Variants in IL12RB1 observed in about 807,000 individuals in gnomAD.
The protein encoded by IL12RB1 is interleukin-12 receptor subunit beta-1.
In IL12RB1, 64 loss-of-function variants were observed where a neutral mutation model predicts 94.4. The ratio of observed to expected loss-of-function variants is 0.68; its 90% CI spans 0.55 to 0.83. The LOEUF (loss-of-function observed/expected upper bound fraction) is 0.83. Among genes scored for constraint, IL12RB1 ranks in the 40% least tolerant of loss-of-function variants. The pLI is 0.00. For missense variants in IL12RB1, 814 were observed against 855.6 expected (o/e 0.95, Z 0.61); for synonymous variants, 362 against 355.5 (o/e 1.02, Z -0.21).
intron 1 of IL12RB1, among the ~76,000 whole-genome samples, chr19:18,094,254 G>A (rs574932083): frequency 2.1e-4 from 32 of 152,230 alleles, no homozygotes; most frequent in Non-Finnish European, 3.8e-4. Flanking sequence ...TCAGCCCCCC[G>A]AGTAGCGGGG....
At chr19:18,085,599 A>G (rs79756358) in intron 1 of IL12RB1, among the ~76,000 whole-genome samples, 12,163 of 151,748 alleles carry the variant, frequency 0.08, 997 homozygotes, top group African/African-American at 0.21. Context: ...TGTACAGAGA[A>G]GGAAAGTTTA....
At chr19:18,098,175 T>C (rs2146695752) in intron 1 of IL12RB1, among the ~76,000 whole-genome samples, 1 of 152,286 alleles carries the variant, frequency 6.6e-6, no homozygotes, top group Non-Finnish European at 1.5e-5. Context: ...GTTTTAGTCC[T>C]ATTACTAGCG....
At chr19:18,096,684 A>G (rs2036958265) in intron 1 of IL12RB1, among the ~76,000 whole-genome samples, 1 of 151,794 alleles carries the variant, frequency 6.6e-6, no homozygotes, top group Admixed American at 6.6e-5. Flanking sequence ...AAAATACAAA[A>G]AATCAGCCTG....
At chr19:18,094,775 G>A (rs555086212) in intron 1 of IL12RB1, among the ~76,000 whole-genome samples, 12 of 148,594 alleles carry the variant, frequency 8.1e-5, no homozygotes, top group Admixed American at 1.3e-4. Flanking sequence ...CAGCCTGGGC[G>A]AAAGAGCAAG....
chr19:18,084,010 C>CCCATCCAT (rs55727878), intron 1 of IL12RB1, among the ~76,000 whole-genome samples: 44 of 139,996 alleles, frequency 3.1e-4, no homozygotes, highest in African/African-American at 7.4e-4. Flanking sequence ...CACCCATCTA[C>CCCATCCAT]CCATCCATCC....
chr19:18,093,652 A>G (rs2036747511), intron 1 of IL12RB1, among the ~76,000 whole-genome samples: 1 of 152,124 alleles, frequency 6.6e-6, no homozygotes, highest in South Asian at 2.1e-4. Flanking sequence ...GGTCACATGT[A>G]CACCTTGAAC....
At chr19:18,062,474 A>G (rs2034212848) in intron 13 of IL12RB1, among the ~76,000 whole-genome samples, 197 bp from the exon 14 acceptor site, 1 of 152,168 alleles carries the variant, frequency 6.6e-6, no homozygotes, top group Non-Finnish European at 1.5e-5. Context: ...GGAAGTGTTC[A>G]AGACTCTGTA....
At chr19:18,076,374 A>G in intron 5 of IL12RB1, 47 bp from the exon 6 acceptor site, 1 of 946,752 alleles carries the variant, frequency 1.1e-6, no homozygotes, top group African/African-American at 1.6e-5. Context: ...TTGGTGCTGA[A>G]AAATATTTGC....
Position 18,069,679 on chromosome 19 carries a change from G to A in IL12RB1, c.1056C>T (p.Asn352=), listed in dbSNP as rs61734349. The A allele has an allele frequency of 5.1e-4, 827 of 1,612,436 alleles. 2 individuals are homozygous for A. The East Asian group carries it at 0.013, about 25-fold the overall frequency. ...GGGCTGGCCAATACATGGTGGTCCC[G>A]TTGGTTCCGACGCTGATATTCAGAG... ...PVALNISVGT[N]GTTMYWPARA... The change falls in exon 10 of 17, where the codon AAC becomes AAT. Residue 352 remains asparagine, a synonymous_variant. Transcript: ENST00000593993.
At chr19:18,075,102 G>T (rs954054077) in intron 7 of IL12RB1, among the ~76,000 whole-genome samples, 3 of 151,488 alleles carry the variant, frequency 2.0e-5, no homozygotes, top group Non-Finnish European at 4.4e-5. Flanking sequence ...AAAAACAGCA[G>T]CAAAAAACCC....
At chr19:18,087,233 G>A (rs2036408187), upstream of IL12RB1, among the ~76,000 whole-genome samples, 1 of 144,192 alleles carries the variant, frequency 6.9e-6, no homozygotes, top group Admixed American at 6.9e-5. Flanking sequence ...TTTTTGAGAT[G>A]GAGCCCTGCT....
chr19:18,077,621 C>T lies in IL12RB1; in HGVS notation c.444G>A (p.Val148=), dbSNP rs767650846. 9 of 1,594,674 alleles carry T rather than the reference C, an allele frequency of 5.6e-6. No individual in the cohort carries two copies. The highest frequency in any genetic ancestry group is 3.3e-5 in the Admixed American group (2 of 59,982). The change falls in exon 5 of 17, where the codon GTG becomes GTA. Residue 148 remains valine, a synonymous_variant. Coordinates refer to ENST00000593993, the MANE Select transcript of IL12RB1 (RefSeq NM_005535.3). Reference sequence around the variant, plus strand: ...TACGCAGCTGCCCGGCCAACTTGGACACCTTGATGTCTCCCAGAGGAGGCT... The same window carrying T: ...TACGCAGCTGCCCGGCCAACTTGGATACCTTGATGTCTCCCAGAGGAGGCT... ...KYEPPLGDIK[V]SKLAGQLRME...
intron 1 of IL12RB1, chr19:18,098,606 C>A: frequency 2.4e-6 from 1 of 417,566 alleles, no homozygotes; most frequent in Non-Finnish European, 4.8e-6. Flanking sequence ...CCCCGGGCAG[C>A]CACCCTTTGA....
At chr19:18,066,044 TA>T (rs76051228) in intron 12 of IL12RB1, among the ~76,000 whole-genome samples, 2,944 of 131,776 alleles carry the variant, frequency 0.022, 43 homozygotes, top group East Asian at 0.06. Context: ...TCTATAAAAT[TA>T]AAAAAAAAAA....
chr19:18,066,345 G>A (rs2034578316), intron 12 of IL12RB1, among the ~76,000 whole-genome samples, 197 bp downstream of exon 12: 1 of 152,130 alleles, frequency 6.6e-6, no homozygotes, highest in Non-Finnish European at 1.5e-5. Flanking sequence ...GACCTCAGGT[G>A]ATCCGCCCGC....
At chr19:18,065,869 AT>A (rs2034539944) in intron 12 of IL12RB1, among the ~76,000 whole-genome samples, 2 of 151,010 alleles carry the variant, frequency 1.3e-5, no homozygotes, top group African/African-American at 4.9e-5. Context: ...GCAAGGCCTC[AT>A]TTCTACAAAA....
Position 18,086,779 on chromosome 19 carries a change from G to A in IL12RB1, c.45C>T (p.Phe15=), listed in dbSNP as rs997750061. ...VTWVVPLLFL[F]LLSRQGAACR... is the part of the protein sequence containing the mutation. ...ACTCACCGCCCTGCCTGGACAGCAG[G>A]AAGAGGAAGAGGAGGGGGACCACCC... The change falls in exon 1 of 17, where the codon TTC becomes TTT. Residue 15 remains phenylalanine (F), a synonymous_variant. Transcript: ENST00000593993. The A allele has an allele frequency of 3.1e-6, 5 of 1,611,630 alleles. No homozygotes were observed. The highest frequency in any genetic ancestry group is 4.2e-6 in the Non-Finnish European group (5 of 1,179,324).
chr19:18,084,054 T>G (rs1460017715), intron 1 of IL12RB1, among the ~76,000 whole-genome samples: 2 of 148,964 alleles, frequency 1.3e-5, no homozygotes, highest in African/African-American at 5.0e-5. Context: ...CACCCCACCA[T>G]CCACCCATTT....
intron 8 of IL12RB1, 93 bp downstream of exon 8, chr19:18,073,424 C>T: frequency 2.5e-6 from 2 of 804,036 alleles, no homozygotes; most frequent in South Asian, 1.4e-5. Flanking sequence ...CATCTCATCT[C>T]CCTCCATCTA....
Sources: gnomAD v4.1 joint callset for allele counts (sites outside exome capture counted in the v4.1 genomes callset) on GRCh38, gnomAD v4.1.1 for gene constraint, MANE v1.5 for transcripts, NCBI Gene and HGNC (gene_info 2026-07-23, HGNC 2026-07-21) for gene names.